Variants in PTPRD observed in about 807,000 individuals in gnomAD.
The protein encoded by PTPRD is receptor-type tyrosine-protein phosphatase delta.
A neutral mutation model predicts 214.5 loss-of-function variants in PTPRD; 34 were observed. The observed-to-expected ratio is 0.16, with a 90% CI of 0.12 to 0.21. The LOEUF is 0.21. Among genes scored for constraint, PTPRD ranks in the 10% least tolerant of loss-of-function variants. The pLI is 1.00. For missense variants in PTPRD, 2,545 were observed against 2,398.7 expected (o/e 1.06, Z -1.27); for synonymous variants, 1,128 against 845.7 (o/e 1.33, Z -5.79).
intron 14 of PTPRD, among the ~76,000 whole-genome samples, chr9:8,614,999 C>T (rs185509978): frequency 6.6e-6 from 1 of 152,246 alleles, no homozygotes; most frequent in African/African-American, 2.4e-5. Context: ...GTTTGGCCTG[C>T]TAATTCTTTC....
chr9:8,738,797 G>A (rs2091155482), intron 11 of PTPRD, among the ~76,000 whole-genome samples: 1 of 140,338 alleles, frequency 7.1e-6, no homozygotes, highest in African/African-American at 2.6e-5. Context: ...AACTACTGCT[G>A]TCACTTAAAA....
At chr9:8,872,230 G>A (rs1294966844) in intron 11 of PTPRD, among the ~76,000 whole-genome samples, 1 of 152,156 alleles carries the variant, frequency 6.6e-6, no homozygotes, top group Non-Finnish European at 1.5e-5. Context: ...AGGAAGAGGT[G>A]CCAACAAGGA....
chr9:10,193,733 G>T lies in PTPRD; in HGVS notation c.-545+147230C>A, dbSNP rs1451515694. Reference sequence around the variant, plus strand: ...TTCTCCTATTTTGGGTAACACGTATGGTATCTGGAAAGAGTTTTAGGAAAG... The same window carrying T: ...TTCTCCTATTTTGGGTAACACGTATTGTATCTGGAAAGAGTTTTAGGAAAG... On this transcript the variant is annotated intron_variant, in intron 3 of 45. Coordinates refer to ENST00000381196, the MANE Select transcript of PTPRD (RefSeq NM_002839.4). Among the ~76,000 whole-genome samples, 3 of 151,914 alleles carry T rather than the reference G, an allele frequency of 2.0e-5. No individual in the cohort carries two copies. In the East Asian group the frequency reaches 5.8e-4, roughly 29 times the overall value.
chr9:8,440,244 C>G (rs1390284777), intron 34 of PTPRD, among the ~76,000 whole-genome samples: 1 of 152,062 alleles, frequency 6.6e-6, no homozygotes, highest in African/African-American at 2.4e-5. Context: ...TGAAGCACAG[C>G]TAACAAACAG....
chr9:8,879,886 T>C (rs1382415236), intron 11 of PTPRD, among the ~76,000 whole-genome samples: 1 of 152,172 alleles, frequency 6.6e-6, no homozygotes, highest in African/African-American at 2.4e-5. Context: ...TACACTAAAA[T>C]GTGTAAGGAG....
At chr9:9,933,342 G>A (rs879586773) in intron 5 of PTPRD, among the ~76,000 whole-genome samples, 1 of 151,872 alleles carries the variant, frequency 6.6e-6, no homozygotes, top group Admixed American at 6.5e-5. Flanking sequence ...CATCTCACAT[G>A]CAGAGACACA....
chr9:9,751,724 T>C (rs2098521927), intron 6 of PTPRD, among the ~76,000 whole-genome samples: 1 of 152,000 alleles, frequency 6.6e-6, no homozygotes, highest in Non-Finnish European at 1.5e-5. Flanking sequence ...GTGCCAAAGA[T>C]TGCCAGCACA....
In PTPRD at chr9:10,404,453, G is replaced by A. The variant is rs563712859; in HGVS notation, c.-599-63436C>T. Among the ~76,000 whole-genome samples, 10 of 151,754 alleles carry A rather than the reference G, an allele frequency of 6.6e-5. No homozygotes were observed. The South Asian group carries it at 2.1e-3, about 32-fold the overall frequency. ...AGTTCTTATTTGTATTATTTTAAATGTTATTTGATTTTTTCAAAAGTACAT... is the reference window on the plus strand; with the variant it reads ...AGTTCTTATTTGTATTATTTTAAATATTATTTGATTTTTTCAAAAGTACAT... On this transcript the variant is annotated intron_variant, in intron 2 of 45. Transcript: ENST00000381196.
intron 7 of PTPRD, among the ~76,000 whole-genome samples, chr9:9,710,853 T>C (rs72708438): frequency 0.14 from 21,435 of 152,150 alleles, 1,956 homozygotes; most frequent in Middle Eastern, 0.3. Flanking sequence ...GCTAAAAATA[T>C]TGATGAGAAG....
chr9:8,840,170 C>T (rs768189339), intron 11 of PTPRD, among the ~76,000 whole-genome samples: 11 of 152,102 alleles, frequency 7.2e-5, no homozygotes, highest in Admixed American at 5.9e-4. Context: ...AGTAGAACTA[C>T]CTTTGGTTTA....
At chr9:8,455,484 CAA>C in intron 33 of PTPRD, among the ~76,000 whole-genome samples, 1 of 152,216 alleles carries the variant, frequency 6.6e-6, no homozygotes, top group South Asian at 2.1e-4. Flanking sequence ...AGGCAAATTG[CAA>C]AGTTTTCAGT....
chr9:9,362,667 C>T (rs1322488357), intron 9 of PTPRD, among the ~76,000 whole-genome samples: 1 of 151,146 alleles, frequency 6.6e-6, no homozygotes, highest in Non-Finnish European at 1.5e-5. Flanking sequence ...CTCAAGGGGC[C>T]AATACGTGCT....
chr9:10,489,727 C>T (rs1356469561), intron 2 of PTPRD, among the ~76,000 whole-genome samples: 1 of 152,100 alleles, frequency 6.6e-6, no homozygotes, highest in Non-Finnish European at 1.5e-5. Flanking sequence ...TAAATGGTCC[C>T]TCCATGGTTA....
rs766801492 is a variant in PTPRD, at chr9:8,499,720, T to A, written c.2249A>T (p.His750Leu). The A allele has an allele frequency of 1.9e-6, 3 of 1,614,060 alleles. No homozygotes were observed. The highest frequency in any genetic ancestry group is 2.7e-5 in the African/African-American group (2 of 74,942). Reference protein sequence around the residue: ...QHGQIRGYQVHYVRMENGEPK... With the variant: ...QHGQIRGYQVLYVRMENGEPK... ...CTCACCATTTTCCATCCTCACATAA[T>A]GCACCTGATATCCTCTTATCTGGCC... Residue 750 changes from histidine to leucine, a missense_variant, in exon 25 of 46, where the codon CAT becomes CTT. Coordinates refer to ENST00000381196, the MANE Select transcript of PTPRD (RefSeq NM_002839.4).
intron 3 of PTPRD, among the ~76,000 whole-genome samples, chr9:10,107,675 C>T (rs1022622568): frequency 6.6e-6 from 1 of 151,996 alleles, no homozygotes; most frequent in Non-Finnish European, 1.5e-5. Flanking sequence ...AGATACATTG[C>T]TTTTTAGTCT....
intron 11 of PTPRD, among the ~76,000 whole-genome samples, chr9:8,927,551 G>C (rs1236757769): frequency 6.6e-6 from 1 of 151,876 alleles, no homozygotes; most frequent in Non-Finnish European, 1.5e-5. Context: ...TCCTTTTTTT[G>C]GCTGCATAGT....
At chr9:9,502,736 T>A (rs574303307) in intron 8 of PTPRD, among the ~76,000 whole-genome samples, 1 of 152,052 alleles carries the variant, frequency 6.6e-6, no homozygotes, top group African/African-American at 2.4e-5. Flanking sequence ...TATTCATGTA[T>A]TGTTTATAAA....
intron 2 of PTPRD, among the ~76,000 whole-genome samples, chr9:10,493,050 G>T (rs1464251510): frequency 1.3e-5 from 2 of 151,962 alleles, no homozygotes; most frequent in Non-Finnish European, 2.9e-5. Context: ...AGAGATGTGA[G>T]GGACCTGTTC....
chr9:8,851,739 T>A (rs1036053436), intron 11 of PTPRD, among the ~76,000 whole-genome samples: 1 of 152,210 alleles, frequency 6.6e-6, no homozygotes, highest in Non-Finnish European at 1.5e-5. Flanking sequence ...CATGTATGGT[T>A]ATTCATTCCC....
Sources: gnomAD v4.1 joint callset for allele counts (sites outside exome capture counted in the v4.1 genomes callset) on GRCh38, gnomAD v4.1.1 for gene constraint, MANE v1.5 for transcripts, NCBI Gene and HGNC (gene_info 2026-07-23, HGNC 2026-07-21) for gene names.